The following FAM228B variants were observed in gnomAD, a reference collection of about 807,000 sequenced individuals.
FAM228B encodes the protein family with sequence similarity 228 member B, also known as protein FAM228B.
A neutral mutation model predicts 42.6 loss-of-function variants in FAM228B; 38 were observed. The observed-to-expected ratio is 0.89, with a 90% CI of 0.69 to 1.17. The LOEUF (loss-of-function observed/expected upper bound fraction) is 1.17, where lower values mean the gene tolerates loss of function less well. Ranked by LOEUF, FAM228B falls within the 50% of genes most tolerant of loss-of-function variation. The probability of loss-of-function intolerance (pLI) is 0.00; values close to 1 mark genes in which losing one functional copy is unlikely to be tolerated. For missense variants in FAM228B, 344 were observed against 367.3 expected (o/e 0.94, Z 0.52); for synonymous variants, 109 against 122.3 (o/e 0.89, Z 0.72).
intron 5 of FAM228B, among the ~76,000 whole-genome samples, chr2:24,140,527 TA>T (rs1223827766): frequency 2.0e-5 from 3 of 152,148 alleles, no homozygotes; most frequent in African/African-American, 7.2e-5. Context: ...GTGGAATGAC[TA>T]AACCAATTAA....
At chr2:24,094,029 CTTT>C (rs57620033) in intron 2 of FAM228B, among the ~76,000 whole-genome samples, 6 of 77,378 alleles carry the variant, frequency 7.8e-5, no homozygotes, top group Non-Finnish European at 1.2e-4. Flanking sequence ...TCGCCACATA[CTTT>C]TTTTTTTTTT....
chr2:24,096,599 A>C (rs1444826734), intron 3 of FAM228B: 1 of 152,220 alleles, frequency 6.6e-6, no homozygotes, highest in African/African-American at 2.4e-5. Context: ...GAGTAAAAAG[A>C]CATGAACAAA....
chr2:24,081,950 C>T lies in FAM228B; in HGVS notation c.-210+995C>T, dbSNP rs139957161. ...GACCTCATGATCCACCCACCTCAGC[C>T]GCCCAAAGTGCTGGGATTACAGGCG... On this transcript the variant is annotated intron_variant, in intron 2 of 10. Coordinates refer to the FAM228B transcript ENST00000613899. Among the ~76,000 whole-genome samples the T allele has an allele frequency of 6.9e-4, 105 of 151,962 alleles. No homozygotes were observed. In the East Asian group the frequency reaches 0.018, roughly 27 times the overall value.
At chr2:24,131,452 A>G (rs544609809) in intron 2 of FAM228B, among the ~76,000 whole-genome samples, 3 of 152,244 alleles carry the variant, frequency 2.0e-5, no homozygotes, top group East Asian at 1.9e-4. Flanking sequence ...GATTCTTCCT[A>G]TCCATGAGCA....
chr2:24,130,716 A>G (rs1666435458), intron 2 of FAM228B, among the ~76,000 whole-genome samples: 1 of 152,022 alleles, frequency 6.6e-6, no homozygotes, highest in Admixed American at 6.5e-5. Flanking sequence ...TCAGATGGGT[A>G]GATTGCAAAA....
intron 3 of FAM228B, among the ~76,000 whole-genome samples, chr2:24,101,212 T>G: frequency 6.6e-6 from 1 of 152,174 alleles, no homozygotes; most frequent in South Asian, 2.1e-4. Flanking sequence ...TGTATACCTA[T>G]GTATCAAACC....
In FAM228B at chr2:24,144,101, T is replaced by G. The variant is rs568164211; in HGVS notation, c.442-2647T>G. Among the ~76,000 whole-genome samples, 172 of 152,222 alleles carry G rather than the reference T, an allele frequency of 1.1e-3. 1 individual carries two copies. The highest frequency in any genetic ancestry group is 1.7e-3 in the Non-Finnish European group (116 of 68,054). On this transcript the variant is annotated intron_variant, in intron 5 of 10. Coordinates refer to ENST00000615575, the MANE Select transcript of FAM228B (RefSeq NM_001145710.2). ...AGATAGGTGTCTCCGGACTTATAATTGTCGATAAAACTTTAGATTGTTGTT... is the reference window on the plus strand; with the variant it reads ...AGATAGGTGTCTCCGGACTTATAATGGTCGATAAAACTTTAGATTGTTGTT...
At position 24,082,816 on chromosome 2, in the gene FAM228B, G is replaced by T. The variant is rs1665063782; in HGVS notation, c.-210+1861G>T. ...TGGGAGTGCCCTGGGGGATTGCTGG[G>T]ATTCAAGTTGGCTGATTTATGAAGG... On this transcript the variant is annotated intron_variant, in intron 2 of 10. Transcript: ENST00000613899. 4.0e-6 allele frequency: 6 copies of T among 1,508,518 alleles called. No homozygotes were observed. In the Admixed American group the frequency reaches 6.3e-5, roughly 16 times the overall value. 93.4% of individuals were successfully genotyped at this position (1,508,518 alleles called of 1,614,324 possible). A position where few individuals can be genotyped will look rare whatever the true frequency, so the allele number is the denominator to read the frequency against.
intron 5 of FAM228B, among the ~76,000 whole-genome samples, chr2:24,142,130 C>G (rs921834929): frequency 2.0e-5 from 3 of 152,200 alleles, no homozygotes; most frequent in Admixed American, 2.0e-4. Flanking sequence ...CCAGACCCTG[C>G]TCCTGAGCTG....
At chr2:24,108,449 C>A (rs1665734661) in intron 3 of FAM228B, among the ~76,000 whole-genome samples, 1 of 152,014 alleles carries the variant, frequency 6.6e-6, no homozygotes, top group South Asian at 2.1e-4. Flanking sequence ...TCTATGAGGC[C>A]AGCATCATTC....
chr2:24,160,658 T>C (rs1667265000), intron 7 of FAM228B, among the ~76,000 whole-genome samples: 1 of 152,206 alleles, frequency 6.6e-6, no homozygotes, highest in African/African-American at 2.4e-5. Flanking sequence ...ATCTTGGTGA[T>C]TGGTTCCTTT....
upstream of FAM228B, chr2:24,122,682 G>A (rs916482962): frequency 3.4e-6 from 2 of 596,492 alleles, no homozygotes; most frequent in Non-Finnish European, 3.0e-6. Context: ...GGGTGAAAAC[G>A]GTGGTCCATC....
At chr2:24,079,114 A>G in intron 1 of FAM228B, 1 of 239,202 alleles carries the variant, frequency 4.2e-6, no homozygotes, top group Non-Finnish European at 8.3e-6. Flanking sequence ...GAGACTTTCT[A>G]GCACACTGAG....
intron 3 of FAM228B, among the ~76,000 whole-genome samples, chr2:24,099,461 A>T (rs1665564544): frequency 6.6e-6 from 1 of 152,192 alleles, no homozygotes; most frequent in Non-Finnish European, 1.5e-5. Flanking sequence ...AATCACAAGC[A>T]TTCCTATACG....
intron 8 of FAM228B, among the ~76,000 whole-genome samples, chr2:24,163,547 C>T (rs1357094778): frequency 1.3e-5 from 2 of 152,206 alleles, no homozygotes; most frequent in Non-Finnish European, 2.9e-5. Context: ...TTGAGACTCA[C>T]TCTTGCATAT....
At chr2:24,136,495 A>G (rs535592084) in intron 3 of FAM228B, among the ~76,000 whole-genome samples, 2 of 152,296 alleles carry the variant, frequency 1.3e-5, no homozygotes, top group Non-Finnish European at 2.9e-5. Context: ...AAGTGCTGGG[A>G]TTACAGGCGT....
intron 3 of FAM228B, among the ~76,000 whole-genome samples, chr2:24,108,255 A>G (rs1465182633): frequency 6.6e-6 from 1 of 152,178 alleles, no homozygotes; most frequent in Admixed American, 6.5e-5. Context: ...ACCAATAATG[A>G]GTTCTGAAAT....
At chr2:24,162,572 G>A (rs947161942) in intron 8 of FAM228B, among the ~76,000 whole-genome samples, 1 of 152,062 alleles carries the variant, frequency 6.6e-6, no homozygotes, top group Non-Finnish European at 1.5e-5. Flanking sequence ...CCGCTCCTAG[G>A]TTTCTACTCA....
intron 2 of FAM228B, among the ~76,000 whole-genome samples, chr2:24,087,617 G>T (rs1665290703): frequency 6.6e-6 from 1 of 151,668 alleles, no homozygotes; most frequent in East Asian, 1.9e-4. Flanking sequence ...ATTCTTTTTT[G>T]TTGTTGTTGT....
Sources: gnomAD v4.1 joint callset for allele counts (sites outside exome capture counted in the v4.1 genomes callset) on GRCh38, gnomAD v4.1.1 for gene constraint, MANE v1.5 for transcripts, NCBI Gene and HGNC (gene_info 2026-07-23, HGNC 2026-07-21) for gene names.